The following SCGN variants were observed in gnomAD, a reference collection of about 807,000 sequenced individuals.
SCGN encodes the protein secretagogin.
SCGN carries 30 observed loss-of-function variants against 39.7 expected under a neutral mutation model. The ratio of observed to expected loss-of-function variants is 0.76; its 90% confidence interval spans 0.57 to 1.03. The LOEUF (loss-of-function observed/expected upper bound fraction) is 1.03, where lower values mean the gene tolerates loss of function less well. SCGN is among the 50% of genes least tolerant of loss of function. The pLI is 0.00. For synonymous variants in SCGN, 106 were observed against 114.1 expected (o/e 0.93, Z 0.45); for missense variants, 353 against 349.4 (o/e 1.01, Z -0.08).
At position 25,701,448 on chromosome 6, in the gene SCGN, A is replaced by G. The variant is rs1759911779; in HGVS notation, c.*113A>G. The G allele has an allele frequency of 1.4e-6, 2 of 1,401,082 alleles. No homozygotes were observed. Among genetic ancestry groups the G allele is most frequent in the Non-Finnish European group, 1.9e-6 (2 of 1,028,750 alleles). The allele number at this position is 1,401,082 out of a possible 1,614,324, so 86.8% of individuals were successfully genotyped here. ...TGGGCAAACTCACAAATGGTGTGCT[A>G]TTCTTGGGCAAGAACAGGGACGCTA... On this transcript the variant is annotated 3_prime_UTR_variant, in exon 11 of 11. Transcript: ENST00000377961.
chr6:25,672,560 C>A (rs975445890), intron 6 of SCGN, among the ~76,000 whole-genome samples: 4 of 152,050 alleles, frequency 2.6e-5, no homozygotes, highest in Admixed American at 2.6e-4. Flanking sequence ...AGTGCAAGAG[C>A]GCACTTGGGA....
At chr6:25,664,309 A>G (rs1457705399) in intron 3 of SCGN, among the ~76,000 whole-genome samples, 1 of 152,218 alleles carries the variant, frequency 6.6e-6, no homozygotes, top group African/African-American at 2.4e-5. Flanking sequence ...GCACTGAAAT[A>G]TTGTATGTAT....
chr6:25,688,089 A>C (rs1310916929), intron 7 of SCGN, among the ~76,000 whole-genome samples: 1 of 152,230 alleles, frequency 6.6e-6, no homozygotes, highest in Admixed American at 6.5e-5. Context: ...CATTTAAATC[A>C]GAAAGCAAAA....
In SCGN at chr6:25,692,459, A is replaced by AC. The variant is rs140305715; in HGVS notation, c.702+1341dup. Among the ~76,000 whole-genome samples the AC allele has an allele frequency of 5.6e-3, 856 of 151,720 alleles. 6 individuals carry two copies. Among genetic ancestry groups the AC allele is most frequent in the African/African-American group, 0.02 (815 of 41,342 alleles). On this transcript the variant is annotated intron_variant, in intron 10 of 10. Transcript: ENST00000377961. ...GAACCTTACAGCACTCTACCCCACC[A>AC]CCCCCCAGAGAGGTTTTGGCCTTCT...
chr6:25,667,584 G>A (rs1760443415), intron 4 of SCGN, among the ~76,000 whole-genome samples: 1 of 152,150 alleles, frequency 6.6e-6, no homozygotes, highest in South Asian at 2.1e-4. Flanking sequence ...GTCAAGATTT[G>A]TTTCAATTTG....
At chr6:25,686,317 A>C (rs532000336) in intron 7 of SCGN, among the ~76,000 whole-genome samples, 2 of 152,298 alleles carry the variant, frequency 1.3e-5, no homozygotes, top group Non-Finnish European at 2.9e-5. Context: ...TGGCTGCACC[A>C]TTTTACATTC....
At chr6:25,663,683 T>C (rs555445663) in intron 3 of SCGN, among the ~76,000 whole-genome samples, 3 of 152,168 alleles carry the variant, frequency 2.0e-5, no homozygotes, top group Non-Finnish European at 4.4e-5. Context: ...CTATAACACA[T>C]TGAACTGCAC....
intron 6 of SCGN, among the ~76,000 whole-genome samples, chr6:25,677,416 G>T (rs1220513873): frequency 6.6e-6 from 1 of 152,084 alleles, no homozygotes; most frequent in Non-Finnish European, 1.5e-5. Context: ...TAGACACAGA[G>T]TAATTACCTG....
At chr6:25,673,353 A>G (rs1205471823) in intron 6 of SCGN, among the ~76,000 whole-genome samples, 1 of 152,212 alleles carries the variant, frequency 6.6e-6, no homozygotes, top group Non-Finnish European at 1.5e-5. Flanking sequence ...AGGGTGCAGT[A>G]TGTGGCTGGA....
At chr6:25,680,092 G>A (rs992271686) in intron 6 of SCGN, among the ~76,000 whole-genome samples, 1 of 152,148 alleles carries the variant, frequency 6.6e-6, no homozygotes, top group Non-Finnish European at 1.5e-5. Context: ...ATAATTAAAT[G>A]TAATAACATA....
At chr6:25,678,584 A>G (rs932725713) in intron 6 of SCGN, among the ~76,000 whole-genome samples, 17 of 152,094 alleles carry the variant, frequency 1.1e-4, no homozygotes, top group South Asian at 2.1e-4. Context: ...CAGCTGCCCA[A>G]TGGGGAAATA....
At chr6:25,688,594 G>A (rs1174713920) in intron 7 of SCGN, among the ~76,000 whole-genome samples, 1 of 152,100 alleles carries the variant, frequency 6.6e-6, no homozygotes, top group African/African-American at 2.4e-5. Context: ...GAGGTCAGGA[G>A]ATCGAGACCA....
At chr6:25,666,876 C>T (rs1164019676) in intron 4 of SCGN, among the ~76,000 whole-genome samples, 2 of 152,072 alleles carry the variant, frequency 1.3e-5, no homozygotes. Context: ...TGTATAAAGT[C>T]ATAATTATTT....
At chr6:25,696,406 A>G (rs1306214235) in intron 10 of SCGN, among the ~76,000 whole-genome samples, 3 of 152,068 alleles carry the variant, frequency 2.0e-5, no homozygotes, top group Non-Finnish European at 4.4e-5. Context: ...TATACTATAT[A>G]TAGCCTATTA....
intron 7 of SCGN, among the ~76,000 whole-genome samples, chr6:25,684,381 C>T (rs1400971489): frequency 2.0e-5 from 3 of 152,148 alleles, no homozygotes; most frequent in Admixed American, 1.3e-4. Context: ...CCCAAATCCT[C>T]GGATGTTCAA....
At chr6:25,686,878 T>C (rs1759712622) in intron 7 of SCGN, among the ~76,000 whole-genome samples, 1 of 152,144 alleles carries the variant, frequency 6.6e-6, no homozygotes, top group Non-Finnish European at 1.5e-5. Context: ...TTTAATACAG[T>C]GTAAGGTGGG....
intron 6 of SCGN, among the ~76,000 whole-genome samples, chr6:25,673,513 A>C (rs969336624): frequency 1.3e-5 from 2 of 152,196 alleles, no homozygotes; most frequent in African/African-American, 4.8e-5. Context: ...GATAGTATGC[A>C]ATATTTTTAG....
chr6:25,681,819 C>T, intron 6 of SCGN, 132 bp from the exon 7 acceptor site: 2 of 692,838 alleles, frequency 2.9e-6, no homozygotes, highest in Non-Finnish European at 2.6e-6. Flanking sequence ...TACTAATTTT[C>T]CCCCAGGCAA....
chr6:25,659,427 G>A (rs575027126), intron 2 of SCGN, among the ~76,000 whole-genome samples: 6 of 152,124 alleles, frequency 3.9e-5, no homozygotes, highest in Non-Finnish European at 8.8e-5. Flanking sequence ...CAAATATGCT[G>A]GTTTCAAGAT....
Sources: allele counts gnomAD v4.1 joint callset (sites outside exome capture counted in the v4.1 genomes callset), GRCh38; gene constraint gnomAD v4.1.1; transcripts MANE v1.5; gene names NCBI Gene and HGNC (gene_info 2026-07-23, HGNC 2026-07-21).